The following ACADM variants were observed in gnomAD, a reference collection of about 807,000 sequenced individuals.
The protein encoded by ACADM is medium-chain specific acyl-CoA dehydrogenase, mitochondrial.
Under a neutral mutation model 58.9 loss-of-function variants are expected in ACADM, and 49 were observed. The ratio of observed to expected loss-of-function variants is 0.83; its 90% confidence interval spans 0.66 to 1.06. ACADM has a LOEUF of 1.06. ACADM is among the 50% of genes least tolerant of loss of function. The pLI is 0.00. For missense variants in ACADM, 496 were observed against 507.0 expected, an observed-to-expected ratio of 0.98 and a Z score of 0.21; for synonymous variants, 160 against 157.7, an observed-to-expected ratio of 1.01 and a Z score of -0.11.
intron 1 of ACADM, among the ~76,000 whole-genome samples, chr1:75,727,644 T>G (rs767589597): frequency 1.4e-4 from 21 of 152,206 alleles, no homozygotes; most frequent in Non-Finnish European, 2.8e-4. Context: ...TGACTATATT[T>G]CAGATCCTAA....
At chr1:75,743,265 A>G (rs1647686065) in intron 7 of ACADM, among the ~76,000 whole-genome samples, 1 of 152,150 alleles carries the variant, frequency 6.6e-6, no homozygotes, top group African/African-American at 2.4e-5. Flanking sequence ...CCAAGAAAAA[A>G]GCTGTGACTG....
intron 7 of ACADM, among the ~76,000 whole-genome samples, chr1:75,742,933 G>A (rs1647661414): frequency 7.2e-6 from 1 of 138,896 alleles, no homozygotes; most frequent in Non-Finnish European, 1.6e-5. Context: ...CTTTGCCTGT[G>A]TTCAATCCCT....
intron 10 of ACADM, among the ~76,000 whole-genome samples, chr1:75,757,328 C>G (rs1648564336): frequency 6.6e-6 from 1 of 152,112 alleles, no homozygotes; most frequent in Admixed American, 6.6e-5. Flanking sequence ...GGGCTAATAT[C>G]CAGAATCTAC....
At chr1:75,756,212 C>T (rs1648497453) in intron 10 of ACADM, among the ~76,000 whole-genome samples, 1 of 152,068 alleles carries the variant, frequency 6.6e-6, no homozygotes, top group African/African-American at 2.4e-5. Flanking sequence ...AAGCTCTGGC[C>T]AGGGCAGTCA....
chr1:75,745,763 T>C (rs1174938640), intron 7 of ACADM, 43 bp from the exon 8 acceptor site: 1 of 1,355,184 alleles, frequency 7.4e-7, no homozygotes, highest in East Asian at 2.3e-5. Context: ...CCATGTGTTA[T>C]TTGCCGATAT....
intron 1 of ACADM, 99 bp from the exon 2 acceptor site, chr1:75,728,302 G>C: frequency 2.2e-6 from 2 of 926,236 alleles, no homozygotes; most frequent in Non-Finnish European, 3.3e-6. Flanking sequence ...TATGAGTATG[G>C]TCAAACCAGT....
intron 6 of ACADM, among the ~76,000 whole-genome samples, chr1:75,737,279 A>AAT (rs368688785): frequency 0.022 from 926 of 42,832 alleles, 21 homozygotes; most frequent in Non-Finnish European, 0.026. Context: ...CACACACACA[A>AAT]ATATATATAT....
intron 10 of ACADM, among the ~76,000 whole-genome samples, chr1:75,754,116 G>A (rs1694419): frequency 0.37 from 56,453 of 151,000 alleles, 11,577 homozygotes; most frequent in African/African-American, 0.55. Flanking sequence ...TTTTTAATTG[G>A]TAGGTACAGT....
intron 2 of ACADM, among the ~76,000 whole-genome samples, chr1:75,731,430 CTT>C (rs1198925446): frequency 1.3e-5 from 2 of 151,338 alleles, no homozygotes; most frequent in African/African-American, 4.9e-5. Context: ...TCTCATTTTT[CTT>C]GCTTGAAATA....
At chr1:75,759,137 C>T (rs1367986662) in intron 10 of ACADM, among the ~76,000 whole-genome samples, 3 of 151,826 alleles carry the variant, frequency 2.0e-5, no homozygotes, top group Non-Finnish European at 4.4e-5. Context: ...GCTGTAACAC[C>T]GCGAAGGTCT....
At chr1:75,727,823 T>A (rs184847200) in intron 1 of ACADM, among the ~76,000 whole-genome samples, 1 of 152,298 alleles carries the variant, frequency 6.6e-6, no homozygotes, top group Admixed American at 6.5e-5. Flanking sequence ...GTTTGGTGAC[T>A]CCTTGCTCAG....
chr1:75,733,067 A>G (rs766418868), intron 4 of ACADM, 145 bp downstream of exon 4: 1 of 1,613,126 alleles, frequency 6.2e-7, no homozygotes. Context: ...GTGTTTGCCC[A>G]CTTTTGGAAG....
At chr1:75,748,381 C>G (rs779311153) in intron 8 of ACADM, among the ~76,000 whole-genome samples, 1 of 152,092 alleles carries the variant, frequency 6.6e-6, no homozygotes, top group Non-Finnish European at 1.5e-5. Flanking sequence ...ATCACATAAC[C>G]AGTGCCCTTA....
intron 11 of ACADM, 30 bp downstream of exon 11, chr1:75,761,400 C>T (rs764611417): frequency 3.7e-6 from 6 of 1,610,190 alleles, no homozygotes; most frequent in Non-Finnish European, 5.1e-6. Context: ...TTTTGGTTTG[C>T]AAGGAGAGAG....
intron 7 of ACADM, among the ~76,000 whole-genome samples, chr1:75,740,641 T>TA (rs950509808): frequency 1.3e-4 from 20 of 150,522 alleles, no homozygotes; most frequent in African/African-American, 2.7e-4. Flanking sequence ...TATAAAATAC[T>TA]AAAAAAAAAC....
intron 6 of ACADM, among the ~76,000 whole-genome samples, chr1:75,738,229 A>AT (rs1553123674): frequency 7.8e-5 from 8 of 101,966 alleles, no homozygotes; most frequent in Non-Finnish European, 1.1e-4. Context: ...TATTGTTATT[A>AT]TTTTTTTTTT....
intron 7 of ACADM, chr1:75,744,095 T>C: frequency 6.3e-7 from 1 of 1,589,046 alleles, no homozygotes; most frequent in South Asian, 1.1e-5. Flanking sequence ...CCGCATCCTG[T>C]TCATTTTCTC....
intron 11 of ACADM, 47 bp from the exon 12 acceptor site, chr1:75,762,645 A>G (rs1648914351): frequency 8.5e-7 from 1 of 1,178,504 alleles, no homozygotes; most frequent in Non-Finnish European, 1.3e-6. Context: ...AAATCAAAGT[A>G]TTTATGTACT....
intron 1 of ACADM, among the ~76,000 whole-genome samples, chr1:75,725,691 C>A (rs1374001331): frequency 6.6e-6 from 1 of 152,184 alleles, no homozygotes; most frequent in African/African-American, 2.4e-5. Flanking sequence ...GTGTTCAATT[C>A]TAGTGGTGCT....
Sources: allele counts gnomAD v4.1 joint callset (sites outside exome capture counted in the v4.1 genomes callset), GRCh38; gene constraint gnomAD v4.1.1; transcripts MANE v1.5; gene names NCBI Gene and HGNC (gene_info 2026-07-23, HGNC 2026-07-21).